Variants in ABLIM1 observed in about 807,000 individuals in gnomAD.
ABLIM1 encodes actin binding LIM protein 1.
ABLIM1 carries 40 observed loss-of-function variants against 107.0 expected under a neutral mutation model. The observed-to-expected ratio is 0.37, with a 90% confidence interval of 0.29 to 0.49. The LOEUF (loss-of-function observed/expected upper bound fraction) is 0.49. Among genes scored for constraint, ABLIM1 ranks in the 20% least tolerant of loss-of-function variants. ABLIM1 has a pLI of 0.97. For synonymous variants in ABLIM1, 357 were observed against 357.3 expected, an observed-to-expected ratio of 1.00 and a Z score of 0.01; for missense variants, 857 against 1,008.5, an observed-to-expected ratio of 0.85 and a Z score of 2.04.
rs371358908 is a variant in ABLIM1, at chr10:114,439,258, A to G, written c.2068-8T>C. ...GTGGCCATCTGGGAGTGTCTGCAAC[A>G]GAAATGCCAGTTCCAGGTGAGGCAT... is the stretch of plus-strand genomic sequence containing the variant. On this transcript the variant is annotated splice_polypyrimidine_tract_variant and splice_region_variant and intron_variant, in intron 20 of 22. Transcript: ENST00000533213. 4.1e-5 allele frequency: 66 copies of G among 1,614,110 alleles called. No homozygotes were observed. Among genetic ancestry groups the G allele is most frequent in the South Asian group, 5.5e-5 (5 of 91,090 alleles).
the ABLIM1 span, among the ~76,000 whole-genome samples, chr10:114,794,565 A>T: frequency 5.9e-5 from 9 of 152,266 alleles, no homozygotes; most frequent in Non-Finnish European, 1.2e-4. Flanking sequence ...AATGAGTAAC[A>T]TCAGTAATTG....
intron 1 of ABLIM1, among the ~76,000 whole-genome samples, chr10:114,673,266 A>AC (rs1491297968): frequency 6.6e-6 from 1 of 151,898 alleles, no homozygotes; most frequent in East Asian, 1.9e-4. Flanking sequence ...TAAAAAAAAA[A>AC]AAAACAAAAA....
intron 1 of ABLIM1, among the ~76,000 whole-genome samples, chr10:114,614,074 T>G (rs536449428): frequency 1.3e-5 from 2 of 152,048 alleles, no homozygotes; most frequent in African/African-American, 4.8e-5. Context: ...CATGTTAAAA[T>G]CCAACATGGG....
At chr10:114,569,222 C>T (rs1319676711) in intron 4 of ABLIM1, among the ~76,000 whole-genome samples, 1 of 152,172 alleles carries the variant, frequency 6.6e-6, no homozygotes, top group African/African-American at 2.4e-5. Context: ...AATGAGGACA[C>T]AGCCATTCCC....
At chr10:114,542,736 A>T (rs11196782) in intron 6 of ABLIM1, among the ~76,000 whole-genome samples, 1 of 151,976 alleles carries the variant, frequency 6.6e-6, no homozygotes, top group Non-Finnish European at 1.5e-5. Context: ...TCAGGCCCCA[A>T]TCAGGGCACT....
At chr10:114,690,216 G>A (rs529250429) in intron 1 of ABLIM1, 36 of 1,436,350 alleles carry the variant, frequency 2.5e-5, no homozygotes, top group Middle Eastern at 1.8e-4. Context: ...AAAGCGCCCC[G>A]TGGCCTCCAC....
chr10:114,463,078 G>A, intron 12 of ABLIM1: 5 of 1,343,062 alleles, frequency 3.7e-6, no homozygotes, highest in Non-Finnish European at 4.9e-6. Context: ...TGTCGGAAAG[G>A]GGGGTTGGGG....
chr10:114,571,824 C>A (rs2138805870), intron 3 of ABLIM1, among the ~76,000 whole-genome samples: 1 of 152,268 alleles, frequency 6.6e-6, no homozygotes, highest in South Asian at 2.1e-4. Context: ...AAGCAGTAAG[C>A]AGTGGGTCTT....
chr10:114,619,291 G>A lies in ABLIM1; in HGVS notation c.245-17330C>T, dbSNP rs2077320548. ...AGCTCACTGCAACGTCCACCTCCCA[G>A]GTTCAAGCAATTCTCCTGCCTCAGC... On this transcript the variant is annotated intron_variant, in intron 1 of 22. Coordinates refer to ENST00000533213, the MANE Select transcript of ABLIM1 (RefSeq NM_002313.7). The surrounding 1 kb of genome is among the most constrained non-coding windows in gnomAD (Gnocchi z 4.1). Among the ~76,000 whole-genome samples, 2 of 151,288 alleles carry A rather than the reference G, an allele frequency of 1.3e-5. No individual in the cohort carries two copies. Among genetic ancestry groups the A allele is most frequent in the South Asian group, 4.2e-4 (2 of 4,800 alleles).
intron 1 of ABLIM1, among the ~76,000 whole-genome samples, chr10:114,644,306 A>ATAT (rs1555214864): frequency 5.4e-4 from 28 of 52,210 alleles, no homozygotes; most frequent in African/African-American, 1.0e-3. Flanking sequence ...AAAAAAAAAA[A>ATAT]ATATATATAT....
chr10:114,556,681 G>A (rs1429137704), intron 4 of ABLIM1, among the ~76,000 whole-genome samples: 1 of 152,214 alleles, frequency 6.6e-6, no homozygotes, highest in African/African-American at 2.4e-5. Flanking sequence ...GTAGTGATAA[G>A]AATGTTGGTC....
At chr10:114,572,421 T>C (rs549342118) in intron 3 of ABLIM1, among the ~76,000 whole-genome samples, 15 of 152,308 alleles carry the variant, frequency 9.8e-5, no homozygotes, top group Non-Finnish European at 1.8e-4. Context: ...ATAAACAACA[T>C]ATAGGTAAAT....
intron 1 of ABLIM1, among the ~76,000 whole-genome samples, chr10:114,759,748 G>A (rs2082704207): frequency 6.6e-6 from 1 of 152,042 alleles, no homozygotes; most frequent in Non-Finnish European, 1.5e-5. Context: ...ATCTTTTAAG[G>A]CCAAGGAATA....
rs562404853 is a variant in ABLIM1 at position 114,758,734 on chromosome 10, G to T, written c.-213+9327C>A. 3.3e-5 allele frequency among the ~76,000 whole-genome samples: 5 copies of T among 152,164 alleles called. No homozygotes were observed. The South Asian group carries it at 1.0e-3, about 32-fold the overall frequency. The stretch of plus-strand genomic sequence containing the variant: ...TGTTTTTTAAATGAATTCCCAATAA[G>T]TTGAGAAAGAAAAGTATCAGTAAAG... On this transcript the variant is annotated intron_variant, in intron 1 of 15. Transcript: ENST00000651092.
intron 1 of ABLIM1, among the ~76,000 whole-genome samples, chr10:114,620,021 A>T (rs978861774): frequency 6.6e-6 from 1 of 152,224 alleles, no homozygotes; most frequent in Non-Finnish European, 1.5e-5. Context: ...TCACAATAAC[A>T]GGAGTACTCA....
At chr10:114,461,388 GAAGGGT>G (rs2063860497) in intron 12 of ABLIM1, among the ~76,000 whole-genome samples, 3 of 116,086 alleles carry the variant, frequency 2.6e-5, no homozygotes. Context: ...ATACACAACT[GAAGGGT>G]TTTTTTTTTT....
At chr10:114,469,051 C>CAAAAAAAAAAAA (rs71473043) in intron 10 of ABLIM1, among the ~76,000 whole-genome samples, 1 of 75,336 alleles carries the variant, frequency 1.3e-5, no homozygotes, top group Non-Finnish European at 2.4e-5. Context: ...GACTCTGTCT[C>CAAAAAAAAAAAA]AAAAAAAAAA....
chr10:114,740,914 T>A (rs955038174), intron 1 of ABLIM1, among the ~76,000 whole-genome samples: 2 of 151,274 alleles, frequency 1.3e-5, no homozygotes, highest in African/African-American at 4.9e-5. Flanking sequence ...TATAGTGGTG[T>A]GCACCACTCT....
chr10:114,799,585 T>C, the ABLIM1 span, among the ~76,000 whole-genome samples: 2 of 152,150 alleles, frequency 1.3e-5, no homozygotes, highest in African/African-American at 2.4e-5. Context: ...TCCTCATTCA[T>C]ATCCAATTTT....
Sources: allele counts gnomAD v4.1 joint callset (sites outside exome capture counted in the v4.1 genomes callset), GRCh38; gene constraint gnomAD v4.1.1; non-coding constraint Gnocchi (gnomAD v3.1); transcripts MANE v1.5; gene names NCBI Gene and HGNC (gene_info 2026-07-23, HGNC 2026-07-21).